Variants in LAMB4 observed in about 807,000 individuals in gnomAD.
LAMB4 encodes laminin subunit beta 4.
LAMB4 carries 196 observed loss-of-function variants against 199.2 expected under a neutral mutation model. The observed-to-expected ratio is 0.98, with a 90% CI of 0.88 to 1.11. The LOEUF is 1.11. Ranked by LOEUF, LAMB4 falls within the 50% of genes least tolerant of loss-of-function variation. The pLI is 0.00. For missense variants in LAMB4, 2,080 were observed against 2,171.2 expected (o/e 0.96, Z 0.83); for synonymous variants, 744 against 770.6 (o/e 0.97, Z 0.57).
Position 108,048,127 on chromosome 7 carries a change from A to G in LAMB4, c.4123-16T>C. ...CTCCGCACACCTTGCAAGAGAAATG[A>G]TTTACGTTAAATAGCAACTTGTTGT... On this transcript the variant is annotated splice_polypyrimidine_tract_variant and intron_variant, in intron 27 of 33. Coordinates refer to ENST00000388781, the MANE Select transcript of LAMB4 (RefSeq NM_007356.3). 1.2e-6 allele frequency: 1 copy of G among 859,806 alleles called. No individual in the cohort carries two copies. Among genetic ancestry groups the G allele is most frequent in the Non-Finnish European group, 1.8e-6 (1 of 553,684 alleles). The allele number at this position is 859,806 out of a possible 1,614,324, so 53.3% of individuals were successfully genotyped here.
Position 108,024,064 on chromosome 7 carries a change from T to C in LAMB4, c.5261A>G (p.Lys1754Arg). ...CTAGCTATAGCACCTAGCATATTTT[T>C]TTTCTTGTTCAACAATTTCATTTTT... ...AIKNEIVEQEKKYARCYS is the reference protein window; with the variant it reads ...AIKNEIVEQERKYARCYS The change falls in exon 34 of 34, where the codon AAA becomes AGA. Residue 1754 changes from lysine to arginine, a missense_variant. By Grantham distance (26) the Lys-to-Arg change is conservative. Transcript: ENST00000388781. The C allele has an allele frequency of 1.9e-6, 3 of 1,609,802 alleles. No homozygotes were observed. Among genetic ancestry groups the C allele is most frequent in the Non-Finnish European group, 2.5e-6 (3 of 1,178,636 alleles).
chr7:108,041,321 T>C (rs902688274), intron 29 of LAMB4, among the ~76,000 whole-genome samples: 3 of 152,170 alleles, frequency 2.0e-5, no homozygotes, highest in Non-Finnish European at 2.9e-5. Context: ...ATTCAACCAT[T>C]GTGGAAAACA....
chr7:108,106,426 A>G, intron 7 of LAMB4, 83 bp downstream of exon 7: 1 of 875,598 alleles, frequency 1.1e-6, no homozygotes, highest in Non-Finnish European at 1.8e-6. Flanking sequence ...TCAAGAAAAA[A>G]AAAAAAGAAA....
chr7:108,067,128 T>C (rs573164011), intron 19 of LAMB4, among the ~76,000 whole-genome samples: 30 of 152,246 alleles, frequency 2.0e-4, no homozygotes, highest in African/African-American at 6.7e-4. Flanking sequence ...GTTTATGTGA[T>C]AGGGTGGCGC....
intron 2 of LAMB4, among the ~76,000 whole-genome samples, chr7:108,118,478 A>G (rs974300914): frequency 3.9e-5 from 6 of 152,118 alleles, no homozygotes; most frequent in African/African-American, 1.4e-4. Context: ...TAGACCAATA[A>G]AAATATGTCC....
At chr7:108,104,120 C>T (rs916520161) in intron 9 of LAMB4, among the ~76,000 whole-genome samples, 1 of 152,116 alleles carries the variant, frequency 6.6e-6, no homozygotes, top group Non-Finnish European at 1.5e-5. Context: ...GGTTTAAGGT[C>T]ACGTTCATGG....
chr7:108,070,079 A>T (rs1288480395), intron 17 of LAMB4, among the ~76,000 whole-genome samples, 194 bp from the exon 18 acceptor site: 1 of 152,000 alleles, frequency 6.6e-6, no homozygotes, highest in African/African-American at 2.4e-5. Context: ...ATATTTCTGG[A>T]CTTGTGGCTA....
chr7:108,082,324 C>T (rs1043481019), intron 14 of LAMB4, among the ~76,000 whole-genome samples: 14 of 132,394 alleles, frequency 1.1e-4, no homozygotes, highest in African/African-American at 2.8e-4. Flanking sequence ...AGCGAGACTC[C>T]GTCTTAAAAA....
At position 108,027,615 on chromosome 7, in the gene LAMB4, T is replaced by C. The variant is rs527778106; in HGVS notation, c.5146+1428A>G. Among the ~76,000 whole-genome samples the C allele has an allele frequency of 5.3e-5, 8 of 152,330 alleles. No homozygotes were observed. In the South Asian group the frequency reaches 1.7e-3, roughly 32 times the overall value. On this transcript the variant is annotated intron_variant, in intron 33 of 33. Transcript: ENST00000388781. ...TTGAGAATTACTTACACTCCTAGTT[T>C]TAAAGTTTTAGAAGATAATAAATAC... is the stretch of plus-strand genomic sequence containing the variant.
At chr7:108,053,679 G>A (rs2035894493) in intron 25 of LAMB4, among the ~76,000 whole-genome samples, 1 of 152,210 alleles carries the variant, frequency 6.6e-6, no homozygotes, top group Non-Finnish European at 1.5e-5. Flanking sequence ...CCAGACCTGG[G>A]CTGGGCACTC....
chr7:108,073,829 C>T (rs1198876432), intron 17 of LAMB4, among the ~76,000 whole-genome samples: 1 of 152,194 alleles, frequency 6.6e-6, no homozygotes, highest in Non-Finnish European at 1.5e-5. Context: ...TTGGCCTTGG[C>T]AGGCTGGTGT....
At chr7:108,072,713 T>G (rs2036574880) in intron 17 of LAMB4, among the ~76,000 whole-genome samples, 1 of 152,122 alleles carries the variant, frequency 6.6e-6, no homozygotes, top group African/African-American at 2.4e-5. Context: ...GTACATGTCT[T>G]GTTTACACCT....
intron 33 of LAMB4, among the ~76,000 whole-genome samples, chr7:108,024,714 GATCC>G (rs772231270): frequency 2.1e-4 from 31 of 151,208 alleles, no homozygotes; most frequent in Middle Eastern, 3.4e-3. Flanking sequence ...TCGATCCATT[GATCC>G]ATCCATCCAT....
At chr7:108,076,759 G>T (rs2150572997) in intron 17 of LAMB4, among the ~76,000 whole-genome samples, 185 bp downstream of exon 17, 1 of 152,270 alleles carries the variant, frequency 6.6e-6, no homozygotes, top group Non-Finnish European at 1.5e-5. Flanking sequence ...TAAATAATAT[G>T]TAAAACACTC....
chr7:108,114,849 T>A (rs1183064655), intron 3 of LAMB4, among the ~76,000 whole-genome samples: 4 of 152,184 alleles, frequency 2.6e-5, no homozygotes, highest in Non-Finnish European at 5.9e-5. Context: ...CTGTTCCCAG[T>A]ACATGGAGAG....
intron 33 of LAMB4, 26 bp from the exon 34 acceptor site, chr7:108,024,204 A>G (rs1169434220): frequency 7.1e-7 from 1 of 1,405,490 alleles, no homozygotes; most frequent in Non-Finnish European, 9.7e-7. Flanking sequence ...GAAAGAAATG[A>G]TATATTTCCA....
At chr7:108,106,622 T>C (rs993852899) in intron 6 of LAMB4, 50 bp from the exon 7 acceptor site, 3 of 1,079,612 alleles carry the variant, frequency 2.8e-6, no homozygotes, top group African/African-American at 1.6e-5. Flanking sequence ...GAAAACGTAA[T>C]TGTCAAACAC....
chr7:108,106,490 A>AT lies in LAMB4; in HGVS notation c.655+18_655+19insA, dbSNP rs761812962. 7.0e-7 allele frequency: 1 copy of AT among 1,430,198 alleles called. No individual in the cohort carries two copies. The highest frequency in any genetic ancestry group is 9.7e-7 in the Non-Finnish European group (1 of 1,035,498). 88.6% of individuals were successfully genotyped at this position (1,430,198 alleles called of 1,614,324 possible). A position where few individuals can be genotyped will look rare whatever the true frequency, so the allele number is the denominator to read the frequency against. ...AAATTTTTTTAAAGCTGATATGAAA[A>AT]ATATAAAGGAATTCATACCTTGGAT... On this transcript the variant is annotated intron_variant, in intron 7 of 33. Coordinates refer to ENST00000388781, the MANE Select transcript of LAMB4 (RefSeq NM_007356.3).
chr7:108,111,475 T>G (rs1159824024), intron 4 of LAMB4, among the ~76,000 whole-genome samples: 1 of 152,246 alleles, frequency 6.6e-6, no homozygotes, highest in African/African-American at 2.4e-5. Flanking sequence ...ATCAGTGTTT[T>G]GTATTAGGCT....
Sources: allele counts gnomAD v4.1 joint callset (sites outside exome capture counted in the v4.1 genomes callset), GRCh38; gene constraint gnomAD v4.1.1; transcripts MANE v1.5; gene names NCBI Gene and HGNC (gene_info 2026-07-23, HGNC 2026-07-21).